NCALD: variants seen among roughly 807,000 people sequenced by gnomAD.
NCALD encodes the protein neurocalcin delta.
A neutral mutation model predicts 18.6 loss-of-function variants in NCALD; 10 were observed. That is an observed-to-expected ratio of 0.54 (90% CI 0.33 to 0.91). The LOEUF is 0.91. Ranked by LOEUF, NCALD falls within the 40% of genes least tolerant of loss-of-function variation. The pLI is 0.03. For synonymous variants in NCALD, 88 were observed against 87.4 expected (o/e 1.01, Z -0.04); for missense variants, 184 against 247.6 (o/e 0.74, Z 1.72).
intron 2 of NCALD, among the ~76,000 whole-genome samples, chr8:102,004,326 T>C (rs1003447695): frequency 1.1e-4 from 16 of 152,258 alleles, no homozygotes; most frequent in African/African-American, 3.4e-4. Flanking sequence ...TTACAAGGGA[T>C]GTGAAGGACC....
At chr8:102,030,906 A>G (rs1351875851) in intron 1 of NCALD, among the ~76,000 whole-genome samples, 1 of 142,606 alleles carries the variant, frequency 7.0e-6, no homozygotes, top group Non-Finnish European at 1.6e-5. Context: ...AATAAATAAA[A>G]TATAAAGTAG....
chr8:102,018,047 G>A (rs979424796), intron 2 of NCALD, among the ~76,000 whole-genome samples: 3 of 152,262 alleles, frequency 2.0e-5, no homozygotes, highest in Admixed American at 6.5e-5. Context: ...AATGTTATAC[G>A]CTCAAATTGC....
intron 2 of NCALD, among the ~76,000 whole-genome samples, chr8:101,926,774 G>A (rs1309034408): frequency 6.6e-6 from 1 of 152,170 alleles, no homozygotes; most frequent in African/African-American, 2.4e-5. Flanking sequence ...TGGCCAGGTA[G>A]GGTTAGGGTT....
chr8:101,837,823 T>C (rs1484587144), intron 4 of NCALD, among the ~76,000 whole-genome samples: 1 of 152,124 alleles, frequency 6.6e-6, no homozygotes, highest in African/African-American at 2.4e-5. Context: ...GATGAAAAGG[T>C]TGTAGGAATT....
chr8:101,787,268 A>G (rs1198366010), intron 1 of NCALD, among the ~76,000 whole-genome samples: 3 of 152,208 alleles, frequency 2.0e-5, no homozygotes, highest in Non-Finnish European at 4.4e-5. Flanking sequence ...TCAAGTTGCT[A>G]GAGACTCAAA....
chr8:101,858,615 A>G (rs117794707), intron 4 of NCALD, among the ~76,000 whole-genome samples: 2,362 of 152,258 alleles, frequency 0.016, 31 homozygotes, highest in Admixed American at 0.027. Context: ...TGTACTCAGC[A>G]TCTAGAATGT....
At chr8:101,932,475 C>T (rs982654287) in intron 2 of NCALD, among the ~76,000 whole-genome samples, 35 of 152,206 alleles carry the variant, frequency 2.3e-4, no homozygotes, top group African/African-American at 8.4e-4. Flanking sequence ...CCTGTTTCAG[C>T]AGCACTTCTG....
chr8:101,698,520 G>T (rs1403654134), intron 2 of NCALD, among the ~76,000 whole-genome samples: 1 of 152,140 alleles, frequency 6.6e-6, no homozygotes, highest in Non-Finnish European at 1.5e-5. Context: ...TACATTACCT[G>T]ACTTCAAACA....
At chr8:102,082,226 CTTTTTTTTTTT>C (rs757875219) in intron 1 of NCALD, among the ~76,000 whole-genome samples, 1 of 71,832 alleles carries the variant, frequency 1.4e-5, no homozygotes, top group East Asian at 4.6e-4. Context: ...GAAGCTCTCT[CTTTTTTTTTTT>C]TTTTTTTTTT....
At chr8:101,961,387 C>T (rs567471426) in intron 2 of NCALD, among the ~76,000 whole-genome samples, 1 of 152,242 alleles carries the variant, frequency 6.6e-6, no homozygotes, top group Admixed American at 6.5e-5. Context: ...TCTATAAATC[C>T]TGCAATGTAA....
intron 2 of NCALD, among the ~76,000 whole-genome samples, chr8:102,004,266 A>C (rs1312256344): frequency 6.6e-6 from 1 of 152,162 alleles, no homozygotes; most frequent in Non-Finnish European, 1.5e-5. Flanking sequence ...TCATGAGTGA[A>C]CTCCCATTCA....
intron 1 of NCALD, among the ~76,000 whole-genome samples, chr8:101,790,505 T>C (rs917521134): frequency 1.3e-5 from 2 of 152,176 alleles, no homozygotes; most frequent in Admixed American, 1.3e-4. Flanking sequence ...TAGAAACACA[T>C]TGCAAGGCTA....
intron 2 of NCALD, among the ~76,000 whole-genome samples, chr8:102,013,584 G>A (rs1408807459): frequency 6.6e-6 from 1 of 152,140 alleles, no homozygotes; most frequent in Non-Finnish European, 1.5e-5. Context: ...TGACTCCACT[G>A]GGAGGCATGA....
At chr8:102,027,554 T>C (rs1002213597) in intron 1 of NCALD, among the ~76,000 whole-genome samples, 1 of 152,216 alleles carries the variant, frequency 6.6e-6, no homozygotes, top group African/African-American at 2.4e-5. Flanking sequence ...AGTTTCAAAC[T>C]TCCATATCTT....
intron 2 of NCALD, among the ~76,000 whole-genome samples, chr8:101,709,493 C>A (rs1379193658): frequency 6.6e-6 from 1 of 152,194 alleles, no homozygotes; most frequent in Non-Finnish European, 1.5e-5. Flanking sequence ...AAAATTTGGC[C>A]TTTCAAGGGT....
At chr8:102,083,613 C>T (rs1824631809) in intron 1 of NCALD, among the ~76,000 whole-genome samples, 1 of 152,224 alleles carries the variant, frequency 6.6e-6, no homozygotes, top group Non-Finnish European at 1.5e-5. Flanking sequence ...CAATTTTGCT[C>T]CATCCCTATC....
intron 4 of NCALD, among the ~76,000 whole-genome samples, chr8:101,805,979 C>T (rs1341768394): frequency 6.6e-6 from 1 of 152,110 alleles, no homozygotes; most frequent in African/African-American, 2.4e-5. Context: ...TGGAGCCTAA[C>T]AGCTGGGTGT....
At chr8:102,049,112 T>C (rs976739456) in intron 1 of NCALD, among the ~76,000 whole-genome samples, 2 of 152,192 alleles carry the variant, frequency 1.3e-5, no homozygotes, top group African/African-American at 2.4e-5. Context: ...ATTTTAGAGA[T>C]GAAAAACACT....
intron 2 of NCALD, among the ~76,000 whole-genome samples, chr8:101,950,830 A>C (rs1371129744): frequency 6.6e-6 from 1 of 152,254 alleles, no homozygotes; most frequent in African/African-American, 2.4e-5. Flanking sequence ...GACGACCTGC[A>C]GTCCCATAAG....
Sources: gnomAD v4.1 joint callset for allele counts (sites outside exome capture counted in the v4.1 genomes callset) on GRCh38, gnomAD v4.1.1 for gene constraint, MANE v1.5 for transcripts, NCBI Gene and HGNC (gene_info 2026-07-23, HGNC 2026-07-21) for gene names.